TRIO: variants seen among roughly 807,000 people sequenced by gnomAD.
The protein encoded by TRIO is triple functional domain protein.
In TRIO, 58 loss-of-function variants were observed where a neutral mutation model predicts 351.9. The ratio of observed to expected loss-of-function variants is 0.16; its 90% CI spans 0.13 to 0.21. The LOEUF is 0.21. Among genes scored for constraint, TRIO ranks in the 10% least tolerant of loss-of-function variants. The pLI, the probability that TRIO is intolerant of heterozygous loss-of-function variation, is 1.00. For synonymous variants in TRIO, 1,758 were observed against 1,595.7 expected (o/e 1.10, Z -2.42); for missense variants, 3,201 against 4,027.8 (o/e 0.79, Z 5.56).
At chr5:14,285,846 G>A (rs1481338555) in intron 3 of TRIO, among the ~76,000 whole-genome samples, 1 of 152,164 alleles carries the variant, frequency 6.6e-6, no homozygotes, top group Non-Finnish European at 1.5e-5. Context: ...TCTGGTGCAG[G>A]CATCAGCAGC....
At chr5:14,408,903 AT>A (rs1748945928) in intron 33 of TRIO, among the ~76,000 whole-genome samples, 1 of 152,074 alleles carries the variant, frequency 6.6e-6, no homozygotes, top group African/African-American at 2.4e-5. Flanking sequence ...TTTGAATGAA[AT>A]TGCTAAAGAG....
At chr5:14,300,729 T>C (rs528240678) in intron 7 of TRIO, among the ~76,000 whole-genome samples, 29 of 152,270 alleles carry the variant, frequency 1.9e-4, no homozygotes, top group Non-Finnish European at 3.4e-4. Flanking sequence ...TGGGGAGGGA[T>C]TTGGCCATGT....
chr5:14,274,595 G>A (rs1441173174), intron 2 of TRIO, among the ~76,000 whole-genome samples: 3 of 152,076 alleles, frequency 2.0e-5, no homozygotes, highest in Admixed American at 6.6e-5. Flanking sequence ...AAAGAGAGAT[G>A]TCCCATCACC....
At chr5:14,381,294 A>G in intron 21 of TRIO, 42 bp downstream of exon 21, 1 of 1,548,156 alleles carries the variant, frequency 6.5e-7, no homozygotes, top group Non-Finnish European at 8.7e-7. Context: ...TCTAAGTCGA[A>G]AGCGAGTCTT....
chr5:14,187,660 C>A (rs26059), intron 1 of TRIO, among the ~76,000 whole-genome samples: 129,148 of 152,240 alleles, frequency 0.85, 54,951 homozygotes, highest in East Asian at 0.99. Context: ...TTGACATGTG[C>A]ATTTTTAAGT....
chr5:14,374,414 T>A lies in TRIO; in HGVS notation c.3331+71T>A, dbSNP rs1745383944. ...GCAAGAGACAAAAGGAGCCTGCACG[T>A]TGTGTTCTGAACTCTCAACTTCAGT... On this transcript the variant is annotated intron_variant, in intron 19 of 56. Transcript: ENST00000344204. The A allele has an allele frequency of 3.4e-6, 4 of 1,183,028 alleles. No individual in the cohort carries two copies. In the South Asian group the frequency reaches 4.2e-5, roughly 12 times the overall value. The allele number at this position is 1,183,028 out of a possible 1,614,324, so 73.3% of individuals were successfully genotyped here.
intron 1 of TRIO, among the ~76,000 whole-genome samples, chr5:14,166,782 C>T (rs890484670): frequency 4.6e-5 from 7 of 152,090 alleles, no homozygotes; most frequent in African/African-American, 1.7e-4. Flanking sequence ...ATGTCCTCTC[C>T]AGTAGAAATT....
chr5:14,232,898 C>T (rs1793536808), intron 1 of TRIO, among the ~76,000 whole-genome samples: 1 of 152,190 alleles, frequency 6.6e-6, no homozygotes, highest in Non-Finnish European at 1.5e-5. Flanking sequence ...CCAGGACCCA[C>T]TAAACTTGGA....
intron 1 of TRIO, among the ~76,000 whole-genome samples, chr5:14,257,659 C>T (rs1458925887): frequency 1.3e-5 from 2 of 152,080 alleles, no homozygotes; most frequent in African/African-American, 4.8e-5. Flanking sequence ...ATTTATAGTC[C>T]ACCTGGGAGA....
chr5:14,254,082 C>T (rs1794892810), intron 1 of TRIO, among the ~76,000 whole-genome samples: 1 of 151,918 alleles, frequency 6.6e-6, no homozygotes, highest in African/African-American at 2.4e-5. Context: ...GGTAAATACC[C>T]ATATATCTGA....
intron 1 of TRIO, among the ~76,000 whole-genome samples, chr5:14,219,022 A>C (rs1792412094): frequency 6.6e-6 from 1 of 152,228 alleles, no homozygotes; most frequent in Non-Finnish European, 1.5e-5. Flanking sequence ...TGATGCTGTC[A>C]GAGACTTGGT....
At chr5:14,480,538 T>C (rs1027628208) in intron 43 of TRIO, among the ~76,000 whole-genome samples, 1 of 152,234 alleles carries the variant, frequency 6.6e-6, no homozygotes, top group Non-Finnish European at 1.5e-5. Context: ...GGCTTAACAC[T>C]AGCCCTTGAT....
rs776711607 is a variant in TRIO, at chr5:14,462,918, A to T, written c.5660A>T (p.Asp1887Val). The T allele has an allele frequency of 6.3e-7, 1 of 1,594,032 alleles. No homozygotes were observed. Among genetic ancestry groups the T allele is most frequent in the South Asian group, 1.1e-5 (1 of 86,990 alleles). ...QHSLLQPDSQ[D>V]DKASSRLLVR... Reference sequence around the variant, plus strand: ...AGCCTCCTCCAGCCAGACTCACAGGATGACAAGGTAAAGGGGGATGAGGGC... The same window carrying T: ...AGCCTCCTCCAGCCAGACTCACAGGTTGACAAGGTAAAGGGGGATGAGGGC... The change falls in exon 36 of 57, where the codon GAT (aspartate) becomes GTT (valine). Residue 1887 changes from aspartate to valine, a missense_variant. Asp to Val is a radical substitution (Grantham distance 152). Transcript: ENST00000344204.
intron 1 of TRIO, among the ~76,000 whole-genome samples, chr5:14,238,196 G>A (rs1793895733): frequency 6.6e-6 from 1 of 152,204 alleles, no homozygotes; most frequent in African/African-American, 2.4e-5. Flanking sequence ...AATGCACAGA[G>A]ATTTTGTTCT....
At chr5:14,381,081 T>A (rs750135860) in intron 20 of TRIO, 49 bp from the exon 21 acceptor site, 2 of 1,579,630 alleles carry the variant, frequency 1.3e-6, no homozygotes, top group East Asian at 4.5e-5. Flanking sequence ...TTTGGGCTCC[T>A]CTCAGGAATG....
chr5:14,350,404 AG>A (rs1742954792), intron 11 of TRIO, among the ~76,000 whole-genome samples: 1 of 152,180 alleles, frequency 6.6e-6, no homozygotes, highest in African/African-American at 2.4e-5. Flanking sequence ...GGCAATGGAA[AG>A]AAAATAAAAA....
At chr5:14,354,141 G>T (rs1319957959) in intron 11 of TRIO, among the ~76,000 whole-genome samples, 3 of 152,204 alleles carry the variant, frequency 2.0e-5, no homozygotes, top group Non-Finnish European at 4.4e-5. Context: ...GGTGCTGGGG[G>T]CCTGACCCCT....
chr5:14,187,100 A>G (rs1042976560), intron 1 of TRIO, among the ~76,000 whole-genome samples: 2 of 152,364 alleles, frequency 1.3e-5, no homozygotes, highest in South Asian at 2.1e-4. Flanking sequence ...GCCTAAAGCG[A>G]TGAACCAGAA....
chr5:14,147,429 G>C, intron 1 of TRIO, among the ~76,000 whole-genome samples: 1 of 152,174 alleles, frequency 6.6e-6, no homozygotes, highest in South Asian at 2.1e-4. Context: ...TTCTTTCAGA[G>C]CTCCCTATTT....
Sources: gnomAD v4.1 joint callset for allele counts (sites outside exome capture counted in the v4.1 genomes callset) on GRCh38, gnomAD v4.1.1 for gene constraint, MANE v1.5 for transcripts, NCBI Gene and HGNC (gene_info 2026-07-23, HGNC 2026-07-21) for gene names.